Variants in TMEM132C observed in about 807,000 individuals in gnomAD.
The protein encoded by TMEM132C is transmembrane protein 132C.
A neutral mutation model predicts 61.4 loss-of-function variants in TMEM132C; 29 were observed. That is an observed-to-expected ratio of 0.47 (90% CI 0.35 to 0.64). TMEM132C has a LOEUF of 0.64. Among genes scored for constraint, TMEM132C ranks in the 30% least tolerant of loss-of-function variants. The probability of loss-of-function intolerance (pLI) is 0.00; values close to 1 mark genes in which losing one functional copy is unlikely to be tolerated. For synonymous variants in TMEM132C, 656 were observed against 633.1 expected, an observed-to-expected ratio of 1.04 and a Z score of -0.54; for missense variants, 1,408 against 1,476.9, an observed-to-expected ratio of 0.95 and a Z score of 0.76.
chr12:128,445,620 G>T (rs534265386), intron 2 of TMEM132C, among the ~76,000 whole-genome samples: 1 of 152,162 alleles, frequency 6.6e-6, no homozygotes, highest in Non-Finnish European at 1.5e-5. Context: ...CAGTCTCTCT[G>T]CTGAGCACCC....
At chr12:128,335,090 T>G (rs1328461538) in intron 1 of TMEM132C, among the ~76,000 whole-genome samples, 1 of 152,246 alleles carries the variant, frequency 6.6e-6, no homozygotes, top group African/African-American at 2.4e-5. Flanking sequence ...CATTTCGTTT[T>G]AAAATTTAGA....
chr12:128,576,574 G>A (rs947439635), intron 3 of TMEM132C, among the ~76,000 whole-genome samples: 4 of 152,206 alleles, frequency 2.6e-5, no homozygotes, highest in Non-Finnish European at 5.9e-5. Flanking sequence ...TGATAATAGC[G>A]ACATGCTTGT....
At chr12:128,642,071 G>A (rs965253653) in intron 4 of TMEM132C, among the ~76,000 whole-genome samples, 1 of 151,166 alleles carries the variant, frequency 6.6e-6, no homozygotes, top group Non-Finnish European at 1.5e-5. Context: ...CCAGAGTGCT[G>A]GGATTACAGG....
chr12:128,529,835 T>C (rs572352682), intron 2 of TMEM132C, among the ~76,000 whole-genome samples: 2 of 152,292 alleles, frequency 1.3e-5, no homozygotes, highest in East Asian at 3.9e-4. Context: ...AAATGCTATA[T>C]GTGAACCCTG....
intron 2 of TMEM132C, among the ~76,000 whole-genome samples, chr12:128,474,656 A>T (rs1329992692): frequency 6.6e-6 from 1 of 152,216 alleles, no homozygotes; most frequent in African/African-American, 2.4e-5. Context: ...ATTGAAGTGG[A>T]GAAAATTCTG....
chr12:128,599,371 C>T (rs977097928), intron 3 of TMEM132C, among the ~76,000 whole-genome samples: 7 of 152,298 alleles, frequency 4.6e-5, no homozygotes, highest in South Asian at 2.1e-4. Context: ...ACCCAGTGAC[C>T]GAGCCCTTCC....
chr12:128,365,712 G>A (rs569156202), intron 1 of TMEM132C, among the ~76,000 whole-genome samples: 5 of 152,244 alleles, frequency 3.3e-5, no homozygotes, highest in South Asian at 4.1e-4. Context: ...GCAAATCTCC[G>A]AGGATGGCTC....
At chr12:128,496,396 G>A (rs1871960387) in intron 2 of TMEM132C, among the ~76,000 whole-genome samples, 2 of 152,098 alleles carry the variant, frequency 1.3e-5, no homozygotes, top group African/African-American at 2.4e-5. Context: ...CTAGATTGGG[G>A]AAGTTCTCCT....
intron 1 of TMEM132C, among the ~76,000 whole-genome samples, chr12:128,407,905 GTTA>G (rs779529863): frequency 1.3e-5 from 2 of 152,118 alleles, no homozygotes; most frequent in African/African-American, 2.4e-5. Flanking sequence ...CTCTTCTATT[GTTA>G]TTATGCTACA....
chr12:128,406,697 A>T (rs1875358772), intron 1 of TMEM132C, among the ~76,000 whole-genome samples: 1 of 152,214 alleles, frequency 6.6e-6, no homozygotes, highest in Non-Finnish European at 1.5e-5. Flanking sequence ...ACAAGGATGT[A>T]CTAAGATATA....
chr12:128,472,518 G>A (rs1224392896), intron 2 of TMEM132C, among the ~76,000 whole-genome samples: 1 of 152,240 alleles, frequency 6.6e-6, no homozygotes, highest in Non-Finnish European at 1.5e-5. Flanking sequence ...CTACCTTCCA[G>A]GGAACATGTG....
chr12:128,604,453 T>TAGATAGATAAC (rs1565988516), intron 3 of TMEM132C, among the ~76,000 whole-genome samples: 26 of 125,942 alleles, frequency 2.1e-4, no homozygotes, highest in African/African-American at 8.0e-4. Context: ...AGATAGATAA[T>TAGATAGATAAC]AGATGGATAG....
At chr12:128,700,459 G>T (rs113607713) in intron 8 of TMEM132C, among the ~76,000 whole-genome samples, 11 of 152,236 alleles carry the variant, frequency 7.2e-5, no homozygotes, top group African/African-American at 2.2e-4. Flanking sequence ...AATTCCGATT[G>T]TCTGCTGTTC....
chr12:128,554,676 A>T (rs1178008457), intron 3 of TMEM132C, among the ~76,000 whole-genome samples: 2 of 152,118 alleles, frequency 1.3e-5, no homozygotes, highest in African/African-American at 4.8e-5. Context: ...CCTCTTTTGG[A>T]GGGACTTAGA....
intron 2 of TMEM132C, among the ~76,000 whole-genome samples, chr12:128,508,327 C>T (rs1292802936): frequency 2.0e-5 from 3 of 152,152 alleles, no homozygotes; most frequent in Admixed American, 6.5e-5. Context: ...ACAACACCTG[C>T]GAATTATGGG....
intron 1 of TMEM132C, among the ~76,000 whole-genome samples, chr12:128,274,550 C>T (rs1475807095): frequency 6.6e-6 from 1 of 152,178 alleles, no homozygotes; most frequent in Non-Finnish European, 1.5e-5. Context: ...AGATTGGAAG[C>T]TCTTGACTCC....
At position 128,616,841 on chromosome 12, in the gene TMEM132C, G is replaced by A. The variant is rs529216727; in HGVS notation, c.1305+506G>A. Among the ~76,000 whole-genome samples, 18 of 152,280 alleles carry A rather than the reference G, an allele frequency of 1.2e-4. 1 individual carries two copies. The highest frequency in any genetic ancestry group is 4.3e-4 in the African/African-American group (18 of 41,544). On this transcript the variant is annotated intron_variant, in intron 4 of 8. Transcript: ENST00000435159. ...AGTGACAATGGGCTTGAGTAGTGCA[G>A]CACCATCTATCTGACTCACAATGTG...
At chr12:128,426,928 G>C (rs529938752) in intron 2 of TMEM132C, among the ~76,000 whole-genome samples, 1 of 152,300 alleles carries the variant, frequency 6.6e-6, no homozygotes, top group African/African-American at 2.4e-5. Flanking sequence ...CCAAATCACA[G>C]CTTTGTCTGT....
Position 128,675,136 on chromosome 12 carries a change from A to G in TMEM132C, c.1449+5576A>G, listed in dbSNP as rs901475118. 2.4e-4 allele frequency among the ~76,000 whole-genome samples: 36 copies of G among 151,726 alleles called. 1 individual carries two copies. The highest frequency in any genetic ancestry group is 8.2e-4 in the African/African-American group (34 of 41,294). On this transcript the variant is annotated intron_variant, in intron 5 of 8. Coordinates refer to ENST00000435159, the MANE Select transcript of TMEM132C (RefSeq NM_001136103.3). ...TTCTTTCTTCCTCTTTTCCTCCTCA[A>G]TTTCATTCAGCCAACATTTATTAAC...
Sources: allele counts gnomAD v4.1 joint callset (sites outside exome capture counted in the v4.1 genomes callset), GRCh38; gene constraint gnomAD v4.1.1; transcripts MANE v1.5; gene names NCBI Gene and HGNC (gene_info 2026-07-23, HGNC 2026-07-21).